FAM3B: variants seen among roughly 807,000 people sequenced by gnomAD.
FAM3B encodes protein FAM3B.
Under a neutral mutation model 28.4 loss-of-function variants are expected in FAM3B, and 29 were observed. The ratio of observed to expected loss-of-function variants is 1.02; its 90% confidence interval spans 0.76 to 1.39. The LOEUF (loss-of-function observed/expected upper bound fraction) is 1.39. FAM3B is among the 40% of genes most tolerant of loss of function. FAM3B has a pLI of 0.00. For synonymous variants in FAM3B, 91 were observed against 103.0 expected, an observed-to-expected ratio of 0.88 and a Z score of 0.71; for missense variants, 266 against 293.9, an observed-to-expected ratio of 0.91 and a Z score of 0.69.
chr21:41,341,521 C>T (rs751077086), intron 3 of FAM3B, among the ~76,000 whole-genome samples: 2 of 152,200 alleles, frequency 1.3e-5, no homozygotes, highest in Non-Finnish European at 2.9e-5. Flanking sequence ...GGTAGTTTTA[C>T]TGCCTAAGCA....
At chr21:41,308,630 C>A in intron 1 of FAM3B, among the ~76,000 whole-genome samples, 1 of 149,270 alleles carries the variant, frequency 6.7e-6, no homozygotes, top group Non-Finnish European at 1.5e-5. Flanking sequence ...ACCTGTGCCT[C>A]CTGGGTTCAA....
At chr21:41,347,173 A>T in intron 6 of FAM3B, 73 bp downstream of exon 6, 1 of 1,237,516 alleles carries the variant, frequency 8.1e-7, no homozygotes, top group Non-Finnish European at 1.2e-6. Flanking sequence ...AGGGTCTCTC[A>T]GTGACATCCT....
At chr21:41,341,222 T>C (rs1025433623) in intron 3 of FAM3B, among the ~76,000 whole-genome samples, 3 of 152,262 alleles carry the variant, frequency 2.0e-5, no homozygotes, top group South Asian at 2.1e-4. Context: ...ATAGCACGGA[T>C]GTGTCATAGT....
chr21:41,350,485 T>C (rs2089107570), intron 7 of FAM3B, among the ~76,000 whole-genome samples: 1 of 152,026 alleles, frequency 6.6e-6, no homozygotes, highest in Admixed American at 6.6e-5. Flanking sequence ...GATCTCAGAG[T>C]GGAGTCCTGT....
At chr21:41,330,603 G>A (rs13049834) in intron 2 of FAM3B, among the ~76,000 whole-genome samples, 4,152 of 152,236 alleles carry the variant, frequency 0.027, 81 homozygotes, top group Non-Finnish European at 0.033. Flanking sequence ...CTGGCCACTG[G>A]TAAGTACCAT....
At chr21:41,328,760 TGA>T (rs2088877744) in intron 2 of FAM3B, among the ~76,000 whole-genome samples, 1 of 152,152 alleles carries the variant, frequency 6.6e-6, no homozygotes, top group African/African-American at 2.4e-5. Flanking sequence ...AGTGTTGAGA[TGA>T]GACGGGGCAG....
chr21:41,341,460 C>G (rs560587364), intron 3 of FAM3B, among the ~76,000 whole-genome samples: 129 of 152,318 alleles, frequency 8.5e-4, no homozygotes, highest in African/African-American at 3.0e-3. Flanking sequence ...CCTTCCTGCC[C>G]AATGGTAACC....
chr21:41,351,436 G>A (rs1293664335), intron 7 of FAM3B, among the ~76,000 whole-genome samples: 1 of 152,214 alleles, frequency 6.6e-6, no homozygotes, highest in African/African-American at 2.4e-5. Context: ...CAGTGCTGGA[G>A]AGTTACTAGA....
At chr21:41,343,482 G>A (rs1306941302) in intron 3 of FAM3B, among the ~76,000 whole-genome samples, 1 of 152,166 alleles carries the variant, frequency 6.6e-6, no homozygotes, top group Non-Finnish European at 1.5e-5. Flanking sequence ...TCTGCTTCAA[G>A]TTATTATGGA....
chr21:41,325,794 A>G (rs1198546680), intron 2 of FAM3B, among the ~76,000 whole-genome samples: 1 of 152,204 alleles, frequency 6.6e-6, no homozygotes. Flanking sequence ...TATCTGGGGA[A>G]AGCCACCAGG....
At chr21:41,340,692 G>T (rs941120847) in intron 3 of FAM3B, among the ~76,000 whole-genome samples, 2 of 151,972 alleles carry the variant, frequency 1.3e-5, no homozygotes, top group South Asian at 2.1e-4. Context: ...TCAATGCTAG[G>T]TTTGTTTTTC....
At chr21:41,343,709 T>G (rs997294735) in intron 3 of FAM3B, among the ~76,000 whole-genome samples, 1 of 152,214 alleles carries the variant, frequency 6.6e-6, no homozygotes, top group East Asian at 1.9e-4. Flanking sequence ...CACACACAAT[T>G]TCTGTGATCT....
At chr21:41,354,668 A>T (rs944829278) in intron 7 of FAM3B, among the ~76,000 whole-genome samples, 1 of 152,118 alleles carries the variant, frequency 6.6e-6, no homozygotes, top group Non-Finnish European at 1.5e-5. Flanking sequence ...AACACACAAT[A>T]GAGGGGCCTA....
At chr21:41,325,046 C>G (rs971245929) in intron 2 of FAM3B, among the ~76,000 whole-genome samples, 4 of 152,128 alleles carry the variant, frequency 2.6e-5, no homozygotes, top group African/African-American at 9.7e-5. Context: ...AGGTTGCAGT[C>G]AGCCAAGATT....
chr21:41,337,113 C>T (rs528446233), intron 2 of FAM3B, among the ~76,000 whole-genome samples: 1 of 152,200 alleles, frequency 6.6e-6, no homozygotes, highest in African/African-American at 2.4e-5. Flanking sequence ...TGATTCTTTA[C>T]TTGTGATATT....
intron 3 of FAM3B, 143 bp downstream of exon 3, chr21:41,338,644 G>C (rs2088977539): frequency 9.2e-7 from 1 of 1,088,874 alleles, no homozygotes; most frequent in African/African-American, 1.6e-5. Context: ...CATCCAAGTG[G>C]AAATGAGAAA....
At chr21:41,324,578 G>C (rs542087893) in intron 2 of FAM3B, among the ~76,000 whole-genome samples, 1 of 152,202 alleles carries the variant, frequency 6.6e-6, no homozygotes, top group African/African-American at 2.4e-5. Flanking sequence ...GGGACAGACT[G>C]AATTATCGCC....
intron 2 of FAM3B, 44 bp downstream of exon 2, chr21:41,323,110 G>A (rs200361681): frequency 6.3e-7 from 1 of 1,593,426 alleles, no homozygotes; most frequent in African/African-American, 1.3e-5. Context: ...CATGGCTTGT[G>A]TGCAGAGGGA....
At chr21:41,315,901 G>A (rs1568909956), upstream of FAM3B, among the ~76,000 whole-genome samples, 1 of 152,144 alleles carries the variant, frequency 6.6e-6, no homozygotes, top group Non-Finnish European at 1.5e-5. Context: ...GAGAGCAGAG[G>A]CCGGAGCAGA....
Sources: allele counts gnomAD v4.1 joint callset (sites outside exome capture counted in the v4.1 genomes callset), GRCh38; gene constraint gnomAD v4.1.1; transcripts MANE v1.5; gene names NCBI Gene and HGNC (gene_info 2026-07-23, HGNC 2026-07-21).